PTPRD: variants seen among roughly 807,000 people sequenced by gnomAD.
PTPRD encodes receptor-type tyrosine-protein phosphatase delta.
PTPRD carries 34 observed loss-of-function variants against 214.5 expected under a neutral mutation model. The observed-to-expected ratio is 0.16, with a 90% CI of 0.12 to 0.21. PTPRD has a LOEUF of 0.21. Among genes scored for constraint, PTPRD ranks in the 10% least tolerant of loss-of-function variants. PTPRD has a pLI of 1.00. For synonymous variants in PTPRD, 1,128 were observed against 845.7 expected, an observed-to-expected ratio of 1.33 and a Z score of -5.79; for missense variants, 2,545 against 2,398.7, an observed-to-expected ratio of 1.06 and a Z score of -1.27.
At chr9:8,390,440 C>T (rs760942567) in intron 36 of PTPRD, among the ~76,000 whole-genome samples, 1 of 152,086 alleles carries the variant, frequency 6.6e-6, no homozygotes, top group East Asian at 1.9e-4. Flanking sequence ...AACACCCAGC[C>T]GCCATCCCAG....
intron 3 of PTPRD, among the ~76,000 whole-genome samples, chr9:10,283,135 C>T (rs113082315): frequency 0.086 from 13,111 of 151,954 alleles, 1,879 homozygotes; most frequent in African/African-American, 0.3. Flanking sequence ...TACACACACA[C>T]ACACACACAC....
chr9:10,240,515 A>G (rs1178919290), intron 3 of PTPRD, among the ~76,000 whole-genome samples: 1 of 151,972 alleles, frequency 6.6e-6, no homozygotes, highest in Non-Finnish European at 1.5e-5. Context: ...TAAAGTGGGT[A>G]AGAAATCAGC....
At chr9:10,100,381 C>A (rs1378764692) in intron 3 of PTPRD, among the ~76,000 whole-genome samples, 2 of 151,508 alleles carry the variant, frequency 1.3e-5, no homozygotes, top group African/African-American at 4.8e-5. Context: ...GAATTTGAAC[C>A]AAAGCAGTCT....
rs561604561 is a variant in PTPRD at position 8,491,685 on chromosome 9, A to T, written c.2467+1177T>A. Among the ~76,000 whole-genome samples the T allele has an allele frequency of 7.3e-5, 11 of 150,980 alleles. No homozygotes were observed. The South Asian group carries it at 2.3e-3, about 32-fold the overall frequency. On this transcript the variant is annotated intron_variant, in intron 27 of 45. Transcript: ENST00000381196. ...AAAAAAAAAAAAAAAAAAAGCCCAG[A>T]AGACTCAGCCTTGAAGGAGTTTTGC...
chr9:9,869,921 T>C (rs895766215), intron 5 of PTPRD, among the ~76,000 whole-genome samples: 9 of 152,010 alleles, frequency 5.9e-5, no homozygotes, highest in Admixed American at 3.9e-4. Flanking sequence ...TAGATGACAT[T>C]AAGCAATGGT....
At chr9:9,363,806 T>A (rs1323337145) in intron 9 of PTPRD, among the ~76,000 whole-genome samples, 1 of 151,436 alleles carries the variant, frequency 6.6e-6, no homozygotes, top group Non-Finnish European at 1.5e-5. Context: ...TCAAATACAT[T>A]TGACAACTGA....
At chr9:8,814,442 G>A (rs1258302230) in intron 11 of PTPRD, among the ~76,000 whole-genome samples, 1 of 152,146 alleles carries the variant, frequency 6.6e-6, no homozygotes, top group Admixed American at 6.5e-5. Context: ...GGAAACCAGG[G>A]GCGGCTGCAA....
rs4079914 is a variant in PTPRD, at chr9:9,333,504, T to G, written c.-203+63945A>C. On this transcript the variant is annotated intron_variant, in intron 9 of 45. Coordinates refer to ENST00000381196, the MANE Select transcript of PTPRD (RefSeq NM_002839.4). ...TAAAACATATATATTATATAGTATA[T>G]TATATATATATATATATATATAAAG... Among the ~76,000 whole-genome samples the G allele has an allele frequency of 3.5e-3, 483 of 136,796 alleles. 10 individuals carry two copies. The highest frequency in any genetic ancestry group is 0.014 in the African/African-American group (463 of 33,884). 89.7% of individuals were successfully genotyped at this position (136,796 alleles called of 152,430 possible). A position where few individuals can be genotyped will look rare whatever the true frequency, so the allele number is the denominator to read the frequency against.
chr9:10,584,313 A>G (rs1355031633), intron 2 of PTPRD, among the ~76,000 whole-genome samples: 1 of 152,226 alleles, frequency 6.6e-6, no homozygotes, highest in Non-Finnish European at 1.5e-5. Flanking sequence ...AATACAGCTT[A>G]GTTTCCACCA....
intron 7 of PTPRD, among the ~76,000 whole-genome samples, chr9:9,591,073 T>C (rs1358797635): frequency 1.3e-5 from 2 of 152,022 alleles, no homozygotes; most frequent in Non-Finnish European, 2.9e-5. Flanking sequence ...AAAGGGACTT[T>C]GCAGAAGCAA....
chr9:9,013,461 C>T (rs2099520329), intron 11 of PTPRD, among the ~76,000 whole-genome samples: 2 of 152,136 alleles, frequency 1.3e-5, no homozygotes, highest in African/African-American at 4.8e-5. Flanking sequence ...TGTTTGGTAA[C>T]AGTCCATGTT....
chr9:9,266,201 G>A (rs1183294839), intron 9 of PTPRD, among the ~76,000 whole-genome samples: 2 of 151,256 alleles, frequency 1.3e-5, no homozygotes, highest in African/African-American at 4.8e-5. Context: ...AATTTTAAAC[G>A]TGTGTATGTG....
rs71317383 is a variant in PTPRD, at chr9:8,933,340, GTT to G, written c.-104+85355_-104+85356del. ...CCATCTTGCCAGCCACAACCTTGAG[GTT>G]TTTTTTTTTTTTTTTTTTTTTACAT... is the stretch of plus-strand genomic sequence containing the variant. On this transcript the variant is annotated intron_variant, in intron 11 of 45. Coordinates refer to ENST00000381196, the MANE Select transcript of PTPRD (RefSeq NM_002839.4). 7.0e-4 allele frequency among the ~76,000 whole-genome samples: 56 copies of G among 80,440 alleles called. 1 individual carries two copies. Among genetic ancestry groups the G allele is most frequent in the African/African-American group, 2.3e-3 (45 of 19,774 alleles). 52.8% of individuals were successfully genotyped at this position (80,440 alleles called of 152,430 possible).
At chr9:9,660,179 G>C (rs187310646) in intron 7 of PTPRD, among the ~76,000 whole-genome samples, 366 of 152,024 alleles carry the variant, frequency 2.4e-3, no homozygotes, top group African/African-American at 8.4e-3. Flanking sequence ...AAAGATAAAT[G>C]AGAGCAGATA....
At chr9:8,619,284 G>A (rs777095580) in intron 14 of PTPRD, among the ~76,000 whole-genome samples, 4 of 151,834 alleles carry the variant, frequency 2.6e-5, no homozygotes, top group African/African-American at 4.8e-5. Context: ...TTCTACAACA[G>A]TTCTCTTAAA....
At chr9:10,008,410 A>C (rs1812809776) in intron 4 of PTPRD, among the ~76,000 whole-genome samples, 1 of 151,994 alleles carries the variant, frequency 6.6e-6, no homozygotes, top group Non-Finnish European at 1.5e-5. Flanking sequence ...GTCTGAATAT[A>C]GGAAGCCTGT....
chr9:9,002,463 T>C (rs2099428147), intron 11 of PTPRD, among the ~76,000 whole-genome samples: 2 of 152,084 alleles, frequency 1.3e-5, no homozygotes, highest in African/African-American at 4.8e-5. Context: ...TTCTATTATA[T>C]AAACTTACTT....
intron 3 of PTPRD, among the ~76,000 whole-genome samples, chr9:10,043,580 T>C (rs139749161): frequency 2.0e-5 from 3 of 151,990 alleles, no homozygotes; most frequent in Non-Finnish European, 4.4e-5. Flanking sequence ...GTGAGGTGCA[T>C]ATGTACATTT....
chr9:9,395,427 G>T (rs998120804), intron 9 of PTPRD, among the ~76,000 whole-genome samples: 1 of 152,078 alleles, frequency 6.6e-6, no homozygotes, highest in Admixed American at 6.6e-5. Flanking sequence ...TACTACCCAG[G>T]TCTAACTAGC....
Sources: gnomAD v4.1 joint callset for allele counts (sites outside exome capture counted in the v4.1 genomes callset) on GRCh38, gnomAD v4.1.1 for gene constraint, MANE v1.5 for transcripts, NCBI Gene and HGNC (gene_info 2026-07-23, HGNC 2026-07-21) for gene names.